The following TENM4 variants were observed in gnomAD, a reference collection of about 807,000 sequenced individuals.
The protein encoded by TENM4 is teneurin-4.
A neutral mutation model predicts 243.3 loss-of-function variants in TENM4; 82 were observed. The ratio of observed to expected loss-of-function variants is 0.34; its 90% CI spans 0.28 to 0.40. TENM4 has a LOEUF of 0.40. Ranked by LOEUF, TENM4 falls within the 10% of genes least tolerant of loss-of-function variation. The pLI, the probability that TENM4 is intolerant of heterozygous loss-of-function variation, is 1.00. For synonymous variants in TENM4, 1,412 were observed against 1,456.3 expected (o/e 0.97, Z 0.69); for missense variants, 3,138 against 3,673.3 (o/e 0.85, Z 3.77).
In TENM4 at chr11:79,388,434, A is replaced by T. The variant is rs373259220; in HGVS notation, c.-321+52075T>A. Among the ~76,000 whole-genome samples the T allele has an allele frequency of 3.7e-4, 56 of 152,360 alleles. 1 individual carries two copies. The highest frequency in any genetic ancestry group is 2.7e-3 in the South Asian group (13 of 4,828). On this transcript the variant is annotated intron_variant, in intron 1 of 33. Transcript: ENST00000278550. ...TTTACAAGTGCCAAGTCACAATGTG[A>T]GAAAATGCAAGTTACAGAAAACATG...
chr11:79,104,325 A>G (rs1458397169), intron 4 of TENM4, among the ~76,000 whole-genome samples: 3 of 152,262 alleles, frequency 2.0e-5, no homozygotes, highest in Non-Finnish European at 4.4e-5. Flanking sequence ...TAAAGAAAAT[A>G]ATAAGGACTC....
At chr11:79,076,706 G>A (rs905530423) in intron 4 of TENM4, among the ~76,000 whole-genome samples, 1 of 152,130 alleles carries the variant, frequency 6.6e-6, no homozygotes, top group Non-Finnish European at 1.5e-5. Flanking sequence ...CGTGAATGTG[G>A]GGAGGCCTGG....
At chr11:78,841,904 T>C (rs1304279196) in intron 12 of TENM4, among the ~76,000 whole-genome samples, 2 of 152,164 alleles carry the variant, frequency 1.3e-5, no homozygotes, top group Non-Finnish European at 2.9e-5. Context: ...TAATGACCAA[T>C]GCCAGCAGCT....
chr11:79,001,256 G>A (rs1486872634), intron 6 of TENM4, among the ~76,000 whole-genome samples: 1 of 152,172 alleles, frequency 6.6e-6, no homozygotes, highest in Non-Finnish European at 1.5e-5. Context: ...TGGGACATCA[G>A]GAAGACTGAT....
intron 6 of TENM4, among the ~76,000 whole-genome samples, chr11:78,927,849 TTCTCTC>T (rs56853062): frequency 1.3e-5 from 2 of 149,288 alleles, no homozygotes; most frequent in South Asian, 2.2e-4. Context: ...AAGCATCCTG[TTCTCTC>T]TCTCTCTCTC....
chr11:78,786,303 G>A (rs1856933951), intron 16 of TENM4, among the ~76,000 whole-genome samples: 1 of 152,242 alleles, frequency 6.6e-6, no homozygotes, highest in Admixed American at 6.5e-5. Context: ...CTCCAGATGT[G>A]GCCTTAGGGC....
At chr11:78,721,311 A>C (rs993949704) in intron 24 of TENM4, among the ~76,000 whole-genome samples, 6 of 152,078 alleles carry the variant, frequency 3.9e-5, no homozygotes, top group African/African-American at 1.4e-4. Context: ...TTTCCTATGA[A>C]CCTACCGCGT....
intron 30 of TENM4, among the ~76,000 whole-genome samples, chr11:78,674,835 T>C (rs138262440): frequency 5.7e-4 from 86 of 152,114 alleles, no homozygotes; most frequent in African/African-American, 1.9e-3. Flanking sequence ...GATAAGTCAC[T>C]TACTGTTTCT....
At chr11:78,945,362 G>A (rs771063062) in intron 6 of TENM4, among the ~76,000 whole-genome samples, 2 of 152,190 alleles carry the variant, frequency 1.3e-5, no homozygotes, top group East Asian at 3.8e-4. Context: ...TATTGTAATT[G>A]TTCTGAGATG....
intron 10 of TENM4, among the ~76,000 whole-genome samples, chr11:78,860,361 T>C (rs900113742): frequency 1.3e-5 from 2 of 152,178 alleles, no homozygotes; most frequent in Non-Finnish European, 2.9e-5. Context: ...TGCCATAAGT[T>C]AACAGAGCCA....
At chr11:78,943,387 T>C (rs1856945067) in intron 6 of TENM4, among the ~76,000 whole-genome samples, 1 of 152,172 alleles carries the variant, frequency 6.6e-6, no homozygotes, top group Non-Finnish European at 1.5e-5. Context: ...TGGGCGTCAG[T>C]GTGAGCAGCA....
intron 6 of TENM4, among the ~76,000 whole-genome samples, chr11:78,956,055 T>C (rs1857201598): frequency 6.6e-6 from 1 of 152,206 alleles, no homozygotes; most frequent in African/African-American, 2.4e-5. Flanking sequence ...GTATCATGTA[T>C]GTGCCTCAGT....
chr11:79,255,786 T>G (rs2135313668), intron 2 of TENM4, among the ~76,000 whole-genome samples: 1 of 152,346 alleles, frequency 6.6e-6, no homozygotes, highest in South Asian at 2.1e-4. Flanking sequence ...GTTAAGACTC[T>G]AAGGAAAGCT....
intron 12 of TENM4, among the ~76,000 whole-genome samples, chr11:78,836,801 T>C (rs539573617): frequency 2.0e-5 from 3 of 152,326 alleles, no homozygotes; most frequent in East Asian, 1.9e-4. Context: ...TGGGCCTTCA[T>C]GGCTAATGGT....
chr11:78,998,339 T>TG (rs1858229085), intron 6 of TENM4, among the ~76,000 whole-genome samples: 1 of 152,182 alleles, frequency 6.6e-6, no homozygotes, highest in African/African-American at 2.4e-5. Flanking sequence ...CTAACAACAT[T>TG]GCTCTGTCAG....
chr11:79,247,001 C>CT (rs1179848310), intron 2 of TENM4, among the ~76,000 whole-genome samples: 12 of 50,840 alleles, frequency 2.4e-4, no homozygotes, highest in South Asian at 1.7e-3. Flanking sequence ...AAAAAAAACA[C>CT]CCCCCCACCC....
At chr11:79,000,749 G>A (rs1383604382) in intron 6 of TENM4, among the ~76,000 whole-genome samples, 1 of 152,204 alleles carries the variant, frequency 6.6e-6, no homozygotes, top group Non-Finnish European at 1.5e-5. Flanking sequence ...AAATAGGAAG[G>A]GCCGGGTGCA....
At chr11:78,814,443 A>C (rs1260834071) in intron 12 of TENM4, 48 bp from the exon 13 acceptor site, 5 of 1,493,812 alleles carry the variant, frequency 3.3e-6, no homozygotes, top group Admixed American at 2.0e-5. Flanking sequence ...TTCCTTACCC[A>C]AACAGAGAGC....
intron 4 of TENM4, among the ~76,000 whole-genome samples, chr11:79,132,043 A>G (rs1862013287): frequency 6.6e-6 from 1 of 152,012 alleles, no homozygotes; most frequent in African/African-American, 2.4e-5. Context: ...AACAATTACT[A>G]ATAGACCTAC....
Sources: allele counts gnomAD v4.1 joint callset (sites outside exome capture counted in the v4.1 genomes callset), GRCh38; gene constraint gnomAD v4.1.1; transcripts MANE v1.5; gene names NCBI Gene and HGNC (gene_info 2026-07-23, HGNC 2026-07-21).